The following CCR7 variants were observed in gnomAD, a reference collection of about 807,000 sequenced individuals.
CCR7 encodes the protein C-C motif chemokine receptor 7, also known as C-C chemokine receptor type 7.
Under a neutral mutation model 26.0 loss-of-function variants are expected in CCR7, and 11 were observed. The ratio of observed to expected loss-of-function variants is 0.42; its 90% CI spans 0.27 to 0.70. The LOEUF is 0.70. Among genes scored for constraint, CCR7 ranks in the 30% least tolerant of loss-of-function variants. CCR7 has a pLI of 0.23. For missense variants in CCR7, 360 were observed against 504.0 expected (o/e 0.71, Z 2.74); for synonymous variants, 189 against 202.1 (o/e 0.94, Z 0.55).
At position 40,555,067 on chromosome 17, in the gene CCR7, A is replaced by G. The variant is rs747098550; in HGVS notation, c.812T>C (p.Val271Ala). 1 of 1,614,098 alleles carries G rather than the reference A, an allele frequency of 6.2e-7. No individual in the cohort carries two copies. The highest frequency in any genetic ancestry group is 2.2e-5 in the East Asian group (1 of 44,858). ...GTAGGGCAGCTGGAAGACTATGAAG[A>G]CCACGACCACAGCGATGATCACCTT... Reference protein sequence around the residue: ...AIKVIIAVVVVFIVFQLPYNG... With the variant: ...AIKVIIAVVVAFIVFQLPYNG... The change falls in exon 3 of 3, where the codon GTC becomes GCC. Residue 271 changes from valine (V) to alanine (A), a missense_variant. Physicochemically the swap from Val to Ala is moderately conservative, Grantham distance 64. Coordinates refer to ENST00000246657, the MANE Select transcript of CCR7 (RefSeq NM_001838.4). This position sits in a 1 kb window ranked among gnomAD's most constrained non-coding sequence, Gnocchi z 5.6.
At position 40,555,769 on chromosome 17, in the gene CCR7, G is replaced by C. The variant is rs1410324774; in HGVS notation, c.110C>G (p.Thr37Ser). The C allele has an allele frequency of 6.2e-7, 1 of 1,614,054 alleles. No individual in the cohort carries two copies. Among genetic ancestry groups the C allele is most frequent in the Non-Finnish European group, 8.5e-7 (1 of 1,180,038 alleles). ...CTCGAACAAAGTGTAGTCCACTGTG[G>C]TGTTGTCTCCGATGTAATCGTCCGT... is the stretch of plus-strand genomic sequence containing the variant. ...EVTDDYIGDNTTVDYTLFESL... is the reference protein window; with the variant it reads ...EVTDDYIGDNSTVDYTLFESL... The change falls in exon 3 of 3, where the codon ACC becomes AGC. Residue 37 changes from threonine (T) to serine (S), a missense_variant. Physicochemically the swap from Thr to Ser is moderately conservative, Grantham distance 58. Transcript: ENST00000246657. The surrounding 1 kb of genome is among the most constrained non-coding windows in gnomAD (Gnocchi z 5.6).
chr17:40,556,687 G>C (rs905010549), intron 2 of CCR7, among the ~76,000 whole-genome samples: 1 of 152,206 alleles, frequency 6.6e-6, no homozygotes, highest in Non-Finnish European at 1.5e-5. Flanking sequence ...GTGAGAGAGG[G>C]AACATGTGTC....
At chr17:40,564,294 G>A (rs1275026610) in intron 1 of CCR7, among the ~76,000 whole-genome samples, 2 of 152,214 alleles carry the variant, frequency 1.3e-5, no homozygotes, top group Non-Finnish European at 2.9e-5. Flanking sequence ...CAGTGGGTGG[G>A]GTGACCACTT....
At chr17:40,563,214 G>C (rs1025000255) in intron 1 of CCR7, among the ~76,000 whole-genome samples, 1 of 152,128 alleles carries the variant, frequency 6.6e-6, no homozygotes, top group African/African-American at 2.4e-5. Context: ...AGAGTTGCCT[G>C]AATGTCCGAA....
Position 40,554,399 on chromosome 17 carries a change from C to G in CCR7, c.*343G>C. On this transcript the variant is annotated 3_prime_UTR_variant, in exon 3 of 3. Coordinates refer to ENST00000246657, the MANE Select transcript of CCR7 (RefSeq NM_001838.4). Reference sequence around the variant, plus strand: ...CATTCAGAGGACTCTTCAGGCCACTCCCACGCCCCTTGCACTCACCCTCCT... The same window carrying G: ...CATTCAGAGGACTCTTCAGGCCACTGCCACGCCCCTTGCACTCACCCTCCT... 3.7e-6 allele frequency: 1 copy of G among 268,172 alleles called. No homozygotes were observed. The highest frequency in any genetic ancestry group is 7.1e-6 in the Non-Finnish European group (1 of 140,614). The allele number at this position is 268,172 out of a possible 1,614,324, so 16.6% of individuals were successfully genotyped here. A position where few individuals can be genotyped will look rare whatever the true frequency, so the allele number is the denominator to read the frequency against.
intron 2 of CCR7, among the ~76,000 whole-genome samples, chr17:40,558,633 G>A (rs2036618404): frequency 6.6e-6 from 1 of 152,200 alleles, no homozygotes; most frequent in Admixed American, 6.5e-5. Flanking sequence ...CAGGGAGATT[G>A]GAGGTGGGAT....
At chr17:40,558,850 G>T in intron 2 of CCR7, 43 bp downstream of exon 2, 1 of 1,572,420 alleles carries the variant, frequency 6.4e-7, no homozygotes, top group Non-Finnish European at 8.8e-7. Flanking sequence ...TTGGGAGGCC[G>T]TGTGGAGAAG....
chr17:40,563,393 T>G (rs1449942521), intron 1 of CCR7, among the ~76,000 whole-genome samples: 3 of 152,234 alleles, frequency 2.0e-5, no homozygotes, highest in Non-Finnish European at 4.4e-5. Context: ...GGTTCATTTT[T>G]TCCTTGCTTT....
intron 2 of CCR7, among the ~76,000 whole-genome samples, chr17:40,558,377 T>A (rs1597723509): frequency 1.3e-5 from 2 of 152,144 alleles, no homozygotes; most frequent in East Asian, 1.9e-4. Context: ...TAGGGCCCCA[T>A]CCTCTCTTCC....
chr17:40,563,211 C>T (rs2036672402), intron 1 of CCR7, among the ~76,000 whole-genome samples: 1 of 152,172 alleles, frequency 6.6e-6, no homozygotes, highest in Non-Finnish European at 1.5e-5. Context: ...ATGAGAGTTG[C>T]CTGAATGTCC....
At chr17:40,561,400 G>A (rs1372928822) in intron 1 of CCR7, among the ~76,000 whole-genome samples, 1 of 152,174 alleles carries the variant, frequency 6.6e-6, no homozygotes, top group Non-Finnish European at 1.5e-5. Context: ...CAGTGGCCTT[G>A]AGTCAGATCA....
rs1351659249 is a variant in CCR7 at position 40,553,928 on chromosome 17, C to G, written c.*814G>C. 6.6e-6 allele frequency: 1 copy of G among 152,164 alleles called. No individual in the cohort carries two copies. Among genetic ancestry groups the G allele is most frequent in the Non-Finnish European group, 1.5e-5 (1 of 68,032 alleles). 9.4% of individuals were successfully genotyped at this position (152,164 alleles called of 1,614,324 possible). A position where few individuals can be genotyped will look rare whatever the true frequency, so the allele number is the denominator to read the frequency against. On this transcript the variant is annotated 3_prime_UTR_variant, in exon 3 of 3. Coordinates refer to ENST00000246657, the MANE Select transcript of CCR7 (RefSeq NM_001838.4). ...AGTCCCTGTGACAAAGAACAAAGAACAAGCTCGTGGGCCTTGGGCGGCCAC... is the reference window on the plus strand; with the variant it reads ...AGTCCCTGTGACAAAGAACAAAGAAGAAGCTCGTGGGCCTTGGGCGGCCAC...
rs917525220 is a variant in CCR7, at chr17:40,555,954, G to A, written c.61-136C>T. The A allele has an allele frequency of 4.9e-6, 3 of 614,284 alleles. No homozygotes were observed. The highest frequency in any genetic ancestry group is 8.4e-6 in the Non-Finnish European group (3 of 355,556). 38.1% of individuals were successfully genotyped at this position (614,284 alleles called of 1,614,324 possible). A position where few individuals can be genotyped will look rare whatever the true frequency, so the allele number is the denominator to read the frequency against. On this transcript the variant is annotated intron_variant, in intron 2 of 2. Coordinates refer to ENST00000246657, the MANE Select transcript of CCR7 (RefSeq NM_001838.4). The surrounding 1 kb of genome is among the most constrained non-coding windows in gnomAD (Gnocchi z 5.6). ...ATGGTCTCACTCTGTTGCCCAGGCTGGAGTGCAGTGGTGCAATCATGGCTC... is the reference window on the plus strand; with the variant it reads ...ATGGTCTCACTCTGTTGCCCAGGCTAGAGTGCAGTGGTGCAATCATGGCTC...
chr17:40,561,216 C>T (rs375352588), intron 1 of CCR7, among the ~76,000 whole-genome samples: 1 of 152,192 alleles, frequency 6.6e-6, no homozygotes, highest in Admixed American at 6.5e-5. Flanking sequence ...CTGCTGTTCC[C>T]GTCAGGGGAG....
At chr17:40,558,010 G>T (rs2036612146) in intron 2 of CCR7, among the ~76,000 whole-genome samples, 2 of 152,332 alleles carry the variant, frequency 1.3e-5, no homozygotes, top group Admixed American at 1.3e-4. Context: ...GCTCCGGGGG[G>T]CCTCTGGGAT....
chr17:40,557,771 C>A (rs2143910658), intron 2 of CCR7, among the ~76,000 whole-genome samples: 1 of 152,322 alleles, frequency 6.6e-6, no homozygotes, highest in East Asian at 1.9e-4. Flanking sequence ...TATAATTCTC[C>A]CTCCCCTAGC....
chr17:40,558,778 G>A (rs549433156), intron 2 of CCR7, 115 bp downstream of exon 2: 8 of 848,068 alleles, frequency 9.4e-6, no homozygotes, highest in South Asian at 8.6e-5. Flanking sequence ...AGTGGCAGGC[G>A]GGCTTATGTC....
intron 2 of CCR7, 59 bp downstream of exon 2, chr17:40,558,834 C>T: frequency 2.0e-6 from 3 of 1,493,582 alleles, no homozygotes; most frequent in Non-Finnish European, 1.9e-6. Flanking sequence ...CCACTAAACC[C>T]CTGACTTGGG....
intron 2 of CCR7, among the ~76,000 whole-genome samples, chr17:40,558,524 G>A (rs1283508455): frequency 1.3e-5 from 2 of 152,154 alleles, no homozygotes; most frequent in Admixed American, 6.5e-5. Flanking sequence ...GATCCAGGGT[G>A]ATTTTCTCAG....
Sources: allele counts gnomAD v4.1 joint callset (sites outside exome capture counted in the v4.1 genomes callset), GRCh38; gene constraint gnomAD v4.1.1; non-coding constraint Gnocchi (gnomAD v3.1); transcripts MANE v1.5; gene names NCBI Gene and HGNC (gene_info 2026-07-23, HGNC 2026-07-21).